The following SPTSSB variants were observed in gnomAD, a reference collection of about 807,000 sequenced individuals.
SPTSSB encodes the protein serine palmitoyltransferase small subunit B.
SPTSSB carries 6 observed loss-of-function variants against 7.7 expected under a neutral mutation model. The observed-to-expected ratio is 0.78, with a 90% CI of 0.43 to 1.54. The LOEUF (loss-of-function observed/expected upper bound fraction) is 1.54. SPTSSB is among the 40% of genes most tolerant of loss of function. SPTSSB has a pLI of 0.01. For missense variants in SPTSSB, 91 were observed against 93.0 expected, an observed-to-expected ratio of 0.98 and a Z score of 0.09; for synonymous variants, 28 against 29.7, an observed-to-expected ratio of 0.94 and a Z score of 0.19.
rs71149710 is a variant in SPTSSB at position 161,369,385 on chromosome 3, CTTTTTTTT to C, written c.-126+2042_-126+2049del. Among the ~76,000 whole-genome samples, 12 of 29,660 alleles carry C rather than the reference CTTTTTTTT, an allele frequency of 4.0e-4. 1 individual carries two copies. Among genetic ancestry groups the C allele is most frequent in the Admixed American group, 1.3e-3 (3 of 2,240 alleles). 19.5% of individuals were successfully genotyped at this position (29,660 alleles called of 152,430 possible). A position where few individuals can be genotyped will look rare whatever the true frequency, so the allele number is the denominator to read the frequency against. ...TTCTCTCTCTGTCTCTCTTTCTTTCCTTTTTTTTTTTTTTTTTTTTTTTTTGTGATAGC... is the reference window on the plus strand; with the variant it reads ...TTCTCTCTCTGTCTCTCTTTCTTTCCTTTTTTTTTTTTTTTTTGTGATAGC... On this transcript the variant is annotated intron_variant, in intron 1 of 2. Coordinates refer to ENST00000620149, the MANE Select transcript of SPTSSB (RefSeq NM_001040100.2).
chr3:161,370,892 A>T (rs1044065925), intron 1 of SPTSSB, among the ~76,000 whole-genome samples: 1 of 152,248 alleles, frequency 6.6e-6, no homozygotes, highest in African/African-American at 2.4e-5. Context: ...AAGTTTGGTT[A>T]CTTATAAAGG....
chr3:161,364,258 G>A (rs1172268505), intron 1 of SPTSSB, among the ~76,000 whole-genome samples: 1 of 152,130 alleles, frequency 6.6e-6, no homozygotes, highest in Non-Finnish European at 1.5e-5. Context: ...TTTTCAGTGG[G>A]CCTGGGCATG....
intron 2 of SPTSSB, among the ~76,000 whole-genome samples, chr3:161,351,756 T>C (rs1714549465): frequency 6.6e-6 from 1 of 152,204 alleles, no homozygotes; most frequent in South Asian, 2.1e-4. Flanking sequence ...GTTATTCTCT[T>C]CTTTCATTAA....
At chr3:161,346,944 G>C (rs958413858) in intron 2 of SPTSSB, among the ~76,000 whole-genome samples, 1 of 152,202 alleles carries the variant, frequency 6.6e-6, no homozygotes, top group African/African-American at 2.4e-5. Context: ...GCCAGAAGCT[G>C]TAGGGCCTAG....
rs369592938 is a variant in SPTSSB at position 161,369,290 on chromosome 3, C to T, written c.-126+2145G>A. Among the ~76,000 whole-genome samples the T allele has an allele frequency of 7.4e-3, 567 of 76,584 alleles. 7 individuals carry two copies. The highest frequency in any genetic ancestry group is 0.034 in the South Asian group (57 of 1,658). The allele number at this position is 76,584 out of a possible 152,430, so 50.2% of individuals were successfully genotyped here. ...TTTCTTTTTCTTCTTTCTTTCTTTT[C>T]TTTCTTTCTTTCTTTCTTTCTTTCT... On this transcript the variant is annotated intron_variant, in intron 1 of 2. Coordinates refer to ENST00000620149, the MANE Select transcript of SPTSSB (RefSeq NM_001040100.2).
At chr3:161,370,992 T>G (rs1338276470) in intron 1 of SPTSSB, among the ~76,000 whole-genome samples, 1 of 152,220 alleles carries the variant, frequency 6.6e-6, no homozygotes, top group Admixed American at 6.5e-5. Context: ...TCTTCACTTT[T>G]TGGCAGGTGA....
intron 1 of SPTSSB, among the ~76,000 whole-genome samples, chr3:161,370,837 A>G (rs952210220): frequency 6.6e-6 from 1 of 152,244 alleles, no homozygotes; most frequent in South Asian, 2.1e-4. Flanking sequence ...CCCCATGGCA[A>G]AGTTAACTAT....
At chr3:161,364,185 C>T (rs561194069) in intron 1 of SPTSSB, among the ~76,000 whole-genome samples, 8 of 151,896 alleles carry the variant, frequency 5.3e-5, no homozygotes, top group South Asian at 4.2e-4. Context: ...CTAGTAACAA[C>T]GCCAGAATAA....
chr3:161,369,314 C>CTTTCTTTCTCTT (rs1278233391), intron 1 of SPTSSB, among the ~76,000 whole-genome samples: 22 of 65,726 alleles, frequency 3.3e-4, no homozygotes, highest in African/African-American at 1.2e-3. Context: ...TTCTTTCTTT[C>CTTTCTTTCTCTT]TCTTTCTTTC....
chr3:161,363,742 C>T (rs1560107074), intron 1 of SPTSSB, among the ~76,000 whole-genome samples: 1 of 151,878 alleles, frequency 6.6e-6, no homozygotes, highest in Non-Finnish European at 1.5e-5. Flanking sequence ...ATTAATTTTG[C>T]TCAAAGGGAT....
chr3:161,348,251 GCAAAA>G (rs10551450), intron 2 of SPTSSB: 41,933 of 146,176 alleles, frequency 0.29, 6,339 homozygotes, highest in African/African-American at 0.41. Flanking sequence ...TGAGATCCTG[GCAAAA>G]CAAAACAAAA....
intron 2 of SPTSSB, among the ~76,000 whole-genome samples, chr3:161,350,097 A>G (rs1714456597): frequency 6.6e-6 from 1 of 152,182 alleles, no homozygotes; most frequent in African/African-American, 2.4e-5. Context: ...GAGTCATGGA[A>G]TGTGAACACA....
intron 2 of SPTSSB, among the ~76,000 whole-genome samples, chr3:161,351,767 A>G (rs1250516819): frequency 1.3e-5 from 2 of 152,180 alleles, no homozygotes; most frequent in Non-Finnish European, 1.5e-5. Context: ...CTTTCATTAA[A>G]AACATCATGA....
intron 1 of SPTSSB, among the ~76,000 whole-genome samples, chr3:161,361,927 T>C (rs2108165523): frequency 6.6e-6 from 1 of 152,276 alleles, no homozygotes; most frequent in East Asian, 1.9e-4. Flanking sequence ...TAGAGGTAAC[T>C]TGTGGAACAG....
At chr3:161,368,480 G>A (rs1715312639) in intron 1 of SPTSSB, among the ~76,000 whole-genome samples, 1 of 149,478 alleles carries the variant, frequency 6.7e-6, no homozygotes, top group African/African-American at 2.5e-5. Context: ...AGGCTGGAGT[G>A]CAGTGGCGGG....
chr3:161,350,631 C>T (rs1386416165), intron 2 of SPTSSB, among the ~76,000 whole-genome samples: 7 of 152,114 alleles, frequency 4.6e-5, no homozygotes, highest in African/African-American at 1.4e-4. Flanking sequence ...TCTTTCTGTA[C>T]TCACAGTAGC....
chr3:161,361,022 G>A (rs1331147531), intron 1 of SPTSSB, among the ~76,000 whole-genome samples: 1 of 152,150 alleles, frequency 6.6e-6, no homozygotes, highest in Non-Finnish European at 1.5e-5. Context: ...TCCTCTAGCT[G>A]TTAAAATGGT....
At chr3:161,370,947 C>T (rs1037165901) in intron 1 of SPTSSB, among the ~76,000 whole-genome samples, 1 of 152,186 alleles carries the variant, frequency 6.6e-6, no homozygotes. Flanking sequence ...TTAATACTTA[C>T]AAGAGAATGT....
intron 2 of SPTSSB, chr3:161,348,211 A>G (rs1395349235): frequency 6.6e-6 from 1 of 152,228 alleles, no homozygotes; most frequent in Non-Finnish European, 1.5e-5. Flanking sequence ...CCTTTGGTCT[A>G]GGACTTCAAG....
Sources: allele counts gnomAD v4.1 joint callset (sites outside exome capture counted in the v4.1 genomes callset), GRCh38; gene constraint gnomAD v4.1.1; transcripts MANE v1.5; gene names NCBI Gene and HGNC (gene_info 2026-07-23, HGNC 2026-07-21).